Variants in CTTNBP2 observed in about 807,000 individuals in gnomAD.
CTTNBP2 encodes cortactin binding protein 2.
Under a neutral mutation model 156.9 loss-of-function variants are expected in CTTNBP2, and 108 were observed. The observed-to-expected ratio is 0.69, with a 90% confidence interval of 0.59 to 0.81. The LOEUF (loss-of-function observed/expected upper bound fraction) is 0.81, where lower values mean the gene tolerates loss of function less well. Among genes scored for constraint, CTTNBP2 ranks in the 30% least tolerant of loss-of-function variants. The pLI, the probability that CTTNBP2 is intolerant of heterozygous loss-of-function variation, is 0.00. For missense variants in CTTNBP2, 1,924 were observed against 2,035.4 expected (o/e 0.95, Z 1.05); for synonymous variants, 767 against 751.8 (o/e 1.02, Z -0.33).
In CTTNBP2 at chr7:117,867,255, C is replaced by T. The variant is rs562090089; in HGVS notation, c.82-5939G>A. 8.9e-4 allele frequency among the ~76,000 whole-genome samples: 135 copies of T among 152,216 alleles called. 1 individual carries two copies. The highest frequency in any genetic ancestry group is 3.0e-3 in the African/African-American group (126 of 41,530). ...TTGCATACCTCTGATGCTGCTCTTCCTAATCCTCCATTCTCCTCTGATTCA... is the reference window on the plus strand; with the variant it reads ...TTGCATACCTCTGATGCTGCTCTTCTTAATCCTCCATTCTCCTCTGATTCA... On this transcript the variant is annotated intron_variant, in intron 1 of 22. Transcript: ENST00000160373.
rs1274014517 is a variant in CTTNBP2, at chr7:117,792,278, T to C, written c.918A>G (p.Ala306=). The part of the protein sequence containing the change: ...GTEGTVTRSV[A]CQTDLVTENA... ...TTTCTGTCACTAGGTCTGTCTGGCATGCAACAGACCTTGTCACAGTTCCTT... is the reference window on the plus strand; with the variant it reads ...TTTCTGTCACTAGGTCTGTCTGGCACGCAACAGACCTTGTCACAGTTCCTT... Residue 306 remains alanine (A), a synonymous_variant, in exon 4 of 23, where the codon GCA becomes GCG. Transcript: ENST00000160373. This position sits in a 1 kb window ranked among gnomAD's most constrained non-coding sequence, Gnocchi z 4.2. 14 of 1,614,226 alleles carry C rather than the reference T, an allele frequency of 8.7e-6. 1 individual carries two copies. The highest frequency in any genetic ancestry group is 1.6e-4 in the Middle Eastern group (1 of 6,062).
At chr7:117,716,792 A>G (rs1230233037) in intron 22 of CTTNBP2, among the ~76,000 whole-genome samples, 1 of 152,172 alleles carries the variant, frequency 6.6e-6, no homozygotes, top group Non-Finnish European at 1.5e-5. Flanking sequence ...TGCTCTCCCA[A>G]TGCATGCAGC....
chr7:117,775,224 T>A (rs531982462), intron 8 of CTTNBP2, among the ~76,000 whole-genome samples: 1 of 152,134 alleles, frequency 6.6e-6, no homozygotes, highest in South Asian at 2.1e-4. Context: ...TGTGTGAATA[T>A]TGGCAGTCAT....
Position 117,757,935 on chromosome 7 carries a change from G to T in CTTNBP2, c.3208C>A (p.Gln1070Lys), listed in dbSNP as rs780412990. 2.5e-6 allele frequency: 4 copies of T among 1,613,476 alleles called. No homozygotes were observed. Among genetic ancestry groups the T allele is most frequent in the Non-Finnish European group, 3.4e-6 (4 of 1,179,750 alleles). The change falls in exon 11 of 23, where the codon CAG becomes AAG. Residue 1070 changes from glutamine to lysine, a missense_variant. Gln to Lys is a moderately conservative substitution (Grantham distance 53, BLOSUM62 1). Transcript: ENST00000160373. ...VPWSVGQSFA[Q>K]SPWDFMRKNK... ...TTCCTCATAAAGTCCCACGGGGACTGCGCGAAGCTCTGACCCACTGACCAC... is the reference window on the plus strand; with the variant it reads ...TTCCTCATAAAGTCCCACGGGGACTTCGCGAAGCTCTGACCCACTGACCAC...
chr7:117,791,015 G>C (rs1798966622), intron 4 of CTTNBP2, 113 bp downstream of exon 4: 2 of 818,168 alleles, frequency 2.4e-6, no homozygotes, highest in Non-Finnish European at 1.9e-6. Flanking sequence ...AATGGGGGTG[G>C]GGGGAAGCAT....
At position 117,841,502 on chromosome 7, in the gene CTTNBP2, G is replaced by A. The variant is rs1041554888; in HGVS notation, c.189+19707C>T. On this transcript the variant is annotated intron_variant, in intron 2 of 22. Transcript: ENST00000160373. Reference sequence around the variant, plus strand: ...TATCAGCTTTGCTATAGAGGATGAAGAGTCCTCTCTCTATATATACATGTG... The same window carrying A: ...TATCAGCTTTGCTATAGAGGATGAAAAGTCCTCTCTCTATATATACATGTG... 6.6e-5 allele frequency among the ~76,000 whole-genome samples: 10 copies of A among 152,102 alleles called. No individual in the cohort carries two copies. In the East Asian group the frequency reaches 1.9e-3, roughly 29 times the overall value.
At position 117,791,650 on chromosome 7, in the gene CTTNBP2, C is replaced by T. The variant is rs780948202; in HGVS notation, c.1546G>A (p.Gly516Arg). The T allele has an allele frequency of 4.3e-6, 7 of 1,614,140 alleles. No homozygotes were observed. The highest frequency in any genetic ancestry group is 5.9e-6 in the Non-Finnish European group (7 of 1,180,018). The change falls in exon 4 of 23, where the codon GGG (glycine) becomes AGG (arginine). Residue 516 changes from glycine to arginine, a missense_variant. By Grantham distance (125) the Gly-to-Arg change is moderately radical. Coordinates refer to ENST00000160373, the MANE Select transcript of CTTNBP2 (RefSeq NM_033427.3). ...ACTGGAGGGTGGGTGCCAACATCCCCTGTTGGGGGCACTCCAGGCCTTGAG... is the reference window on the plus strand; with the variant it reads ...ACTGGAGGGTGGGTGCCAACATCCCTTGTTGGGGGCACTCCAGGCCTTGAG... The part of the protein sequence containing the change: ...APSRPGVPPT[G>R]DVGTHPPVGR...
chr7:117,754,499 G>A (rs965354915), intron 12 of CTTNBP2, among the ~76,000 whole-genome samples: 1 of 152,118 alleles, frequency 6.6e-6, no homozygotes, highest in African/African-American at 2.4e-5. Flanking sequence ...CATTTAAGAG[G>A]CTCTCAATAA....
At position 117,783,849 on chromosome 7, in the gene CTTNBP2, A is replaced by G. The variant is rs1002533571; in HGVS notation, c.2272+402T>C. 3.9e-5 allele frequency among the ~76,000 whole-genome samples: 6 copies of G among 152,326 alleles called. No individual in the cohort carries two copies. In the East Asian group the frequency reaches 7.7e-4, roughly 20 times the overall value. ...CTTCTCGGTTCTTTTAAGACATTCAAATAACTATAAATTGTTCCAACTGTG... is the reference window on the plus strand; with the variant it reads ...CTTCTCGGTTCTTTTAAGACATTCAGATAACTATAAATTGTTCCAACTGTG... On this transcript the variant is annotated intron_variant, in intron 5 of 22. Coordinates refer to ENST00000160373, the MANE Select transcript of CTTNBP2 (RefSeq NM_033427.3).
chr7:117,871,844 TCA>T (rs71150640), intron 1 of CTTNBP2: 6,458 of 305,098 alleles, frequency 0.021, 1 homozygote, highest in Non-Finnish European at 0.026. Flanking sequence ...TCCTTCCCCT[TCA>T]CACACACACA....
intron 3 of CTTNBP2, among the ~76,000 whole-genome samples, chr7:117,795,861 T>C (rs1380032537): frequency 6.6e-6 from 1 of 152,222 alleles, no homozygotes; most frequent in Admixed American, 6.5e-5. Context: ...AACCTCACAA[T>C]TGATATACCT....
chr7:117,837,956 C>T (rs1176480806), intron 2 of CTTNBP2, among the ~76,000 whole-genome samples: 1 of 152,068 alleles, frequency 6.6e-6, no homozygotes, highest in Non-Finnish European at 1.5e-5. Flanking sequence ...ACCTATTACC[C>T]TATCCCTTAC....
At position 117,719,646 on chromosome 7, in the gene CTTNBP2, AG is replaced by A. The variant is rs759092792; in HGVS notation, c.4512-11del. The A allele has an allele frequency of 6.2e-7, 1 of 1,602,296 alleles. No individual in the cohort carries two copies. The highest frequency in any genetic ancestry group is 8.5e-7 in the Non-Finnish European group (1 of 1,173,440). ...ATCATTCTCTAAAGACCTAACACAAAGTTCAGAAAAACGTTTTTCAAAGTGA... is the reference window on the plus strand; with the variant it reads ...ATCATTCTCTAAAGACCTAACACAAATTCAGAAAAACGTTTTTCAAAGTGA... On this transcript the variant is annotated splice_polypyrimidine_tract_variant and intron_variant, in intron 20 of 22. Coordinates refer to ENST00000160373, the MANE Select transcript of CTTNBP2 (RefSeq NM_033427.3).
chr7:117,738,761 G>A (rs912801205), intron 14 of CTTNBP2, among the ~76,000 whole-genome samples: 11 of 152,138 alleles, frequency 7.2e-5, no homozygotes, highest in Admixed American at 7.2e-4. Context: ...GCAGGTGGTG[G>A]GGCATGAGGG....
intron 1 of CTTNBP2, among the ~76,000 whole-genome samples, chr7:117,868,516 T>A (rs1350145404): frequency 1.3e-5 from 2 of 152,204 alleles, no homozygotes; most frequent in African/African-American, 2.4e-5. Context: ...AAATCAGGAT[T>A]TCTATATGGA....
chr7:117,851,643 A>G (rs1189380522), intron 2 of CTTNBP2, among the ~76,000 whole-genome samples: 4 of 152,212 alleles, frequency 2.6e-5, no homozygotes, highest in African/African-American at 4.8e-5. Context: ...AGAGTTTAAC[A>G]TATTCACAGT....
At position 117,719,582 on chromosome 7, in the gene CTTNBP2, CAG is replaced by C. The variant is rs772821399; in HGVS notation, c.4564_4565del (p.Leu1522GlyfsTer4). On this transcript the variant is annotated frameshift_variant, in exon 21 of 23. Transcript: ENST00000160373. LOFTEE classifies it high-confidence loss of function. ...LTLNLDQRLS[L>X]GSDDEADLVK... ...CAAGATCTGCTTCGTCATCTGAACC[CAG>C]AGAGAGTCTCTGATCCAAATTCAAC... 23 of 1,613,740 alleles carry C rather than the reference CAG, an allele frequency of 1.4e-5. No individual in the cohort carries two copies. The highest frequency in any genetic ancestry group is 1.2e-4 in the South Asian group (11 of 91,044).
chr7:117,760,802 T>A, intron 9 of CTTNBP2, 92 bp from the exon 10 acceptor site: 1 of 820,578 alleles, frequency 1.2e-6, no homozygotes, highest in Non-Finnish European at 1.9e-6. Context: ...TATAAACATT[T>A]AAAAATTATA....
chr7:117,756,249 T>C (rs1796875948), intron 12 of CTTNBP2, among the ~76,000 whole-genome samples: 1 of 152,228 alleles, frequency 6.6e-6, no homozygotes, highest in Non-Finnish European at 1.5e-5. Flanking sequence ...CCCTTTCATA[T>C]TGATCATCAT....
Sources: gnomAD v4.1 joint callset for allele counts (sites outside exome capture counted in the v4.1 genomes callset) on GRCh38, gnomAD v4.1.1 for gene constraint, Gnocchi (gnomAD v3.1) non-coding constraint, MANE v1.5 for transcripts, NCBI Gene and HGNC (gene_info 2026-07-23, HGNC 2026-07-21) for gene names.